The following C2 variants were observed in gnomAD, a reference collection of about 807,000 sequenced individuals.
C2 encodes C3/C5 convertase.
Under a neutral mutation model 85.2 loss-of-function variants are expected in C2, and 64 were observed. The ratio of observed to expected loss-of-function variants is 0.75; its 90% CI spans 0.61 to 0.92. C2 has a LOEUF of 0.92. C2 is among the 40% of genes least tolerant of loss of function. The pLI is 0.00. For missense variants in C2, 820 were observed against 971.6 expected (o/e 0.84, Z 2.07); for synonymous variants, 311 against 370.8 (o/e 0.84, Z 1.85).
At position 31,945,457 on chromosome 6, in the gene C2, CCTAG is replaced by C; in HGVS notation, c.*103_*106del. On this transcript the variant is annotated 3_prime_UTR_variant, in exon 18 of 18. Transcript: ENST00000299367. This position sits in a 1 kb window ranked among gnomAD's most constrained non-coding sequence, Gnocchi z 5.3. ...TTAGACCCTGTGATCCATCCTCTCT[CCTAG>C]CTGAGTAAATCCGGGTCTCTAGGAT... The C allele has an allele frequency of 8.7e-7, 1 of 1,155,470 alleles. No homozygotes were observed. The highest frequency in any genetic ancestry group is 1.3e-6 in the Non-Finnish European group (1 of 777,406). 71.6% of individuals were successfully genotyped at this position (1,155,470 alleles called of 1,614,324 possible).
At chr6:31,914,676 G>T (rs187293590) in intron 1 of C2, among the ~76,000 whole-genome samples, 210 of 152,128 alleles carry the variant, frequency 1.4e-3, no homozygotes, top group Admixed American at 9.2e-3. Context: ...ACTGTGGGAG[G>T]CCGAGACGGG....
chr6:31,927,554 C>A, upstream of C2: 1 of 1,500,052 alleles, frequency 6.7e-7, no homozygotes. The surrounding 1 kb of genome is among the most constrained non-coding windows in gnomAD (Gnocchi z 4.7). Flanking sequence ...GGAGACAGGG[C>A]AAAGGTTTCA....
At chr6:31,927,413 ATG>A (rs1339683292), upstream of C2, 13 of 1,106,690 alleles carry the variant, frequency 1.2e-5, no homozygotes, top group South Asian at 1.8e-5. The surrounding 1 kb of genome is among the most constrained non-coding windows in gnomAD (Gnocchi z 4.7). Flanking sequence ...GAGCCCAAAT[ATG>A]TGTTTGCCTG....
Position 31,939,588 on chromosome 6 carries a change from C to T in C2, c.1219+268C>T, listed in dbSNP as rs9332724. Among the ~76,000 whole-genome samples the T allele has an allele frequency of 1.4e-3, 211 of 150,792 alleles. 1 individual carries two copies. The highest frequency in any genetic ancestry group is 4.8e-3 in the African/African-American group (198 of 40,932). ...TTCCTGGAAAGATGTCCACCCATGC[C>T]GGCCCAGAAGCTGGTCCAGAAAGTA... is the stretch of plus-strand genomic sequence containing the variant. On this transcript the variant is annotated intron_variant, in intron 9 of 17. Transcript: ENST00000299367.
upstream of C2, among the ~76,000 whole-genome samples, chr6:31,927,315 A>G (rs9332733): frequency 6.7e-3 from 1,028 of 152,334 alleles, 3 homozygotes; most frequent in Non-Finnish European, 0.012. This position sits in a 1 kb window ranked among gnomAD's most constrained non-coding sequence, Gnocchi z 4.7. Flanking sequence ...TAAATGAAAT[A>G]TTTTGCAATA....
chr6:31,934,491 G>A, intron 6 of C2, 192 bp downstream of exon 6: 1 of 1,201,834 alleles, frequency 8.3e-7, no homozygotes, highest in Non-Finnish European at 1.2e-6. Flanking sequence ...AGCACTGTTG[G>A]GACACTGTGC....
At chr6:31,901,641 C>T (rs1244404131) in intron 1 of C2, among the ~76,000 whole-genome samples, 1 of 151,842 alleles carries the variant, frequency 6.6e-6, no homozygotes, top group East Asian at 1.9e-4. Flanking sequence ...TCCAAGGTGG[C>T]CCCGGTTGCA....
chr6:31,901,645 G>A lies in C2; in HGVS notation c.73+506G>A, dbSNP rs1196330947. On this transcript the variant is annotated intron_variant, in intron 1 of 3. Coordinates refer to the C2 transcript ENST00000452202. ...GGGCTCTGGACTCCAAGGTGGCCCC[G>A]GTTGCAGGCTCTTCTCACCCCGCCC... 1.9e-4 allele frequency among the ~76,000 whole-genome samples: 29 copies of A among 151,904 alleles called. No individual in the cohort carries two copies. In the East Asian group the frequency reaches 4.9e-3, roughly 26 times the overall value.
At chr6:31,927,548 A>T (rs1019273879), upstream of C2, 7 of 1,488,634 alleles carry the variant, frequency 4.7e-6, no homozygotes, top group African/African-American at 9.8e-5. The surrounding 1 kb of genome is among the most constrained non-coding windows in gnomAD (Gnocchi z 4.7). Context: ...CATCAGGGAG[A>T]CAGGGCAAAG....
At chr6:31,930,145 A>G (rs1769619987) in intron 3 of C2, among the ~76,000 whole-genome samples, 1 of 150,620 alleles carries the variant, frequency 6.6e-6, no homozygotes, top group Non-Finnish European at 1.5e-5. Flanking sequence ...GCAATGGCGC[A>G]ATCTCAGCTC....
Position 31,911,297 on chromosome 6 carries a change from C to G in C2, c.73+10158C>G, listed in dbSNP as rs77889879. 6.4e-4 allele frequency among the ~76,000 whole-genome samples: 96 copies of G among 150,942 alleles called. 1 individual carries two copies. In the East Asian group the frequency reaches 0.017, roughly 27 times the overall value. Reference sequence around the variant, plus strand: ...CTAGGAGACAGAGGGAGACTCTTGTCTCAAAAAATAAACAAATAAATACAT... The same window carrying G: ...CTAGGAGACAGAGGGAGACTCTTGTGTCAAAAAATAAACAAATAAATACAT... On this transcript the variant is annotated intron_variant, in intron 1 of 3. Transcript: ENST00000452202.
At chr6:31,911,831 T>C (rs1303585393) in intron 1 of C2, among the ~76,000 whole-genome samples, 1 of 151,974 alleles carries the variant, frequency 6.6e-6, no homozygotes, top group Admixed American at 6.6e-5. Context: ...GGTTTCACCA[T>C]GTTGGCCAAG....
intron 1 of C2, among the ~76,000 whole-genome samples, chr6:31,902,234 CCT>C (rs1167822620): frequency 6.6e-6 from 1 of 151,600 alleles, no homozygotes; most frequent in East Asian, 1.9e-4. Flanking sequence ...TCCACACCCC[CCT>C]CTTTCTCGCT....
chr6:31,924,781 T>C (rs1212322346), upstream of C2, among the ~76,000 whole-genome samples: 2 of 152,224 alleles, frequency 1.3e-5, no homozygotes, highest in Admixed American at 6.5e-5. Context: ...GAAATATTTG[T>C]TGCCATAGGA....
chr6:31,898,905 C>T (rs1766933550), upstream of C2, among the ~76,000 whole-genome samples: 1 of 151,818 alleles, frequency 6.6e-6, no homozygotes, highest in South Asian at 2.1e-4. Flanking sequence ...GAGTCCCTGA[C>T]CAGAGGAGCT....
At chr6:31,898,010 C>A, upstream of C2, 1 of 622,874 alleles carries the variant, frequency 1.6e-6, no homozygotes, top group Non-Finnish European at 2.0e-6. Flanking sequence ...CCTGGTTGGG[C>A]TTTTCCCGCC....
intron 6 of C2, 99 bp downstream of exon 6, chr6:31,934,398 C>A: frequency 6.7e-7 from 1 of 1,493,764 alleles, no homozygotes; most frequent in Non-Finnish European, 9.3e-7. Context: ...CAGCCCACCT[C>A]CTCCAAGAAG....
At chr6:31,912,212 T>C (rs1474091072) in intron 1 of C2, among the ~76,000 whole-genome samples, 1 of 152,240 alleles carries the variant, frequency 6.6e-6, no homozygotes, top group Non-Finnish European at 1.5e-5. Flanking sequence ...TCCCTGCTAA[T>C]GCTAAACTAT....
rs1669632486 is a variant in C2 at position 31,943,828 on chromosome 6, G to A, written c.1733+19G>A. On this transcript the variant is annotated intron_variant, in intron 13 of 17. Coordinates refer to ENST00000299367, the MANE Select transcript of C2 (RefSeq NM_000063.6). This position sits in a 1 kb window ranked among gnomAD's most constrained non-coding sequence, Gnocchi z 6.4. ...ATGCCAGGTGCCTGGAGTCTGGGAT[G>A]GGAGGGTGCCCTGCAGGGAAGAGTG... 6.2e-7 allele frequency: 1 copy of A among 1,612,684 alleles called. No individual in the cohort carries two copies. Among genetic ancestry groups the A allele is most frequent in the Non-Finnish European group, 8.5e-7 (1 of 1,179,828 alleles).
Sources: allele counts gnomAD v4.1 joint callset (sites outside exome capture counted in the v4.1 genomes callset), GRCh38; gene constraint gnomAD v4.1.1; non-coding constraint Gnocchi (gnomAD v3.1); transcripts MANE v1.5; gene names NCBI Gene and HGNC (gene_info 2026-07-23, HGNC 2026-07-21).